Variants in FAM162A observed in about 807,000 individuals in gnomAD.
The protein encoded by FAM162A is family with sequence similarity 162 member A.
Under a neutral mutation model 21.8 loss-of-function variants are expected in FAM162A, and 23 were observed. That is an observed-to-expected ratio of 1.05 (90% CI 0.76 to 1.49). FAM162A has a LOEUF of 1.49. Among genes scored for constraint, FAM162A ranks in the 40% most tolerant of loss-of-function variants. FAM162A has a pLI of 0.00. For synonymous variants in FAM162A, 53 were observed against 61.3 expected (o/e 0.86, Z 0.64); for missense variants, 165 against 186.4 (o/e 0.89, Z 0.67).
intron 1 of FAM162A, among the ~76,000 whole-genome samples, chr3:122,390,838 C>T (rs1448152339): frequency 2.0e-5 from 3 of 152,128 alleles, no homozygotes; most frequent in African/African-American, 4.8e-5. Flanking sequence ...TAAGATTAGC[C>T]GTTTGCCACC....
chr3:122,389,048 C>CA (rs375756653), intron 1 of FAM162A, among the ~76,000 whole-genome samples: 24,135 of 125,874 alleles, frequency 0.19, 2,004 homozygotes, highest in Middle Eastern at 0.32. Context: ...GACTCCGTCT[C>CA]AAAAAAAAAA....
intron 1 of FAM162A, among the ~76,000 whole-genome samples, chr3:122,402,020 A>G (rs2075655609): frequency 6.6e-6 from 1 of 151,924 alleles, no homozygotes; most frequent in Non-Finnish European, 1.5e-5. Flanking sequence ...CTTTTGTTGC[A>G]GTTGCTTTTG....
Position 122,404,293 on chromosome 3 carries a change from G to T in FAM162A, c.193G>T (p.Asp65Tyr). Residue 65 changes from aspartate (D) to tyrosine (Y), a missense_variant, in exon 3 of 5, where the codon GAT becomes TAT. Physicochemically the swap from Asp to Tyr is radical, Grantham distance 160. Coordinates refer to ENST00000477892, the MANE Select transcript of FAM162A (RefSeq NM_014367.4). ...YNRVPLHKPT[D>Y]WQKKILIWSG... The stretch of plus-strand genomic sequence containing the variant: ...CAGAGTGCCTTTACACAAACCTACG[G>T]ATTGGCAGAAAAAGATCCTCATATG... The T allele has an allele frequency of 6.2e-7, 1 of 1,608,842 alleles. No individual in the cohort carries two copies. Among genetic ancestry groups the T allele is most frequent in the South Asian group, 1.1e-5 (1 of 90,118 alleles).
chr3:122,407,511 G>T (rs1290257878), intron 4 of FAM162A, 122 bp downstream of exon 4: 4 of 654,480 alleles, frequency 6.1e-6, no homozygotes, highest in South Asian at 2.2e-5. Flanking sequence ...CATTACATGA[G>T]AAAAGATAAG....
At chr3:122,384,804 A>G (rs915804556) in intron 1 of FAM162A, among the ~76,000 whole-genome samples, 36 of 152,344 alleles carry the variant, frequency 2.4e-4, no homozygotes, top group Middle Eastern at 3.4e-3. Context: ...TTAGAGATTA[A>G]TAATAATTGT....
At chr3:122,396,331 A>G (rs539655790) in intron 1 of FAM162A, among the ~76,000 whole-genome samples, 10 of 152,178 alleles carry the variant, frequency 6.6e-5, no homozygotes, top group Non-Finnish European at 1.2e-4. Flanking sequence ...TTAAAAAAAA[A>G]TAGGCAGAGG....
chr3:122,399,409 C>T (rs916686600), intron 1 of FAM162A, among the ~76,000 whole-genome samples: 6 of 152,108 alleles, frequency 3.9e-5, no homozygotes, highest in East Asian at 1.9e-4. Context: ...CTGCGACCTT[C>T]GGCTCCGGGG....
chr3:122,400,349 C>T (rs893057387), intron 1 of FAM162A, among the ~76,000 whole-genome samples: 3 of 151,752 alleles, frequency 2.0e-5, no homozygotes, highest in Admixed American at 6.6e-5. Flanking sequence ...GGGAGCGGAA[C>T]ATCATGCACC....
chr3:122,401,029 C>G (rs2075650991), intron 1 of FAM162A, among the ~76,000 whole-genome samples: 1 of 152,070 alleles, frequency 6.6e-6, no homozygotes, highest in Non-Finnish European at 1.5e-5. Flanking sequence ...ATGAAAATGT[C>G]TTATCCTAAT....
At chr3:122,386,037 C>G (rs2075572851) in intron 1 of FAM162A, among the ~76,000 whole-genome samples, 1 of 152,090 alleles carries the variant, frequency 6.6e-6, no homozygotes, top group African/African-American at 2.4e-5. Context: ...CCCTTTAATT[C>G]TGGAATTTTT....
chr3:122,401,598 G>T, intron 1 of FAM162A: 2 of 1,146,894 alleles, frequency 1.7e-6, no homozygotes, highest in African/African-American at 1.6e-5. Flanking sequence ...TTTCATCTGT[G>T]AAATGTTGGA....
At chr3:122,394,157 C>T (rs2075616667) in intron 1 of FAM162A, among the ~76,000 whole-genome samples, 1 of 152,156 alleles carries the variant, frequency 6.6e-6, no homozygotes, top group African/African-American at 2.4e-5. Flanking sequence ...CTCATAAGAA[C>T]TCACTATCAC....
intron 4 of FAM162A, 89 bp from the exon 5 acceptor site, chr3:122,409,650 C>A: frequency 8.9e-7 from 1 of 1,121,618 alleles, no homozygotes. Flanking sequence ...GCCTCCATGC[C>A]TCTGTTAACC....
At chr3:122,386,103 G>C (rs1479182501) in intron 1 of FAM162A, among the ~76,000 whole-genome samples, 1 of 152,176 alleles carries the variant, frequency 6.6e-6, no homozygotes, top group Non-Finnish European at 1.5e-5. Flanking sequence ...GTGTGAATTT[G>C]TCATGACTAA....
intron 4 of FAM162A, among the ~76,000 whole-genome samples, chr3:122,408,674 T>C (rs1336638406): frequency 6.6e-6 from 1 of 152,180 alleles, no homozygotes; most frequent in Non-Finnish European, 1.5e-5. Context: ...AGTTCTCAGA[T>C]TAAAACCAGC....
chr3:122,395,834 C>A (rs2075624423), intron 1 of FAM162A, among the ~76,000 whole-genome samples: 1 of 152,116 alleles, frequency 6.6e-6, no homozygotes, highest in Admixed American at 6.6e-5. Flanking sequence ...GTGGTGCTGG[C>A]ATAAGGACAG....
At position 122,391,436 on chromosome 3, in the gene FAM162A, C is replaced by T. The variant is rs537444442; in HGVS notation, c.34+7137C>T. Among the ~76,000 whole-genome samples, 8 of 152,210 alleles carry T rather than the reference C, an allele frequency of 5.3e-5. No individual in the cohort carries two copies. The East Asian group carries it at 1.5e-3, about 29-fold the overall frequency. ...TAAAAATATTTTTAAAGCAAGACCT[C>T]ATCTTTAAAAAAATATATTTACATT... On this transcript the variant is annotated intron_variant, in intron 1 of 4. Transcript: ENST00000477892.
chr3:122,404,380 G>C lies in FAM162A; in HGVS notation c.263+17G>C. 4 of 1,367,136 alleles carry C rather than the reference G, an allele frequency of 2.9e-6. No homozygotes were observed. Among genetic ancestry groups the C allele is most frequent in the Non-Finnish European group, 3.1e-6 (3 of 969,978 alleles). 84.7% of individuals were successfully genotyped at this position (1,367,136 alleles called of 1,614,324 possible). ...GACTGTCTCGTGAGTGCTGAATTTA[G>C]TATTACAAGCAGCTTTCATTTCTCA... On this transcript the variant is annotated intron_variant, in intron 3 of 4. Coordinates refer to ENST00000477892, the MANE Select transcript of FAM162A (RefSeq NM_014367.4).
At chr3:122,398,959 T>C (rs550752297) in intron 1 of FAM162A, among the ~76,000 whole-genome samples, 14 of 152,322 alleles carry the variant, frequency 9.2e-5, no homozygotes, top group South Asian at 4.1e-4. Flanking sequence ...AGTTCAGGGC[T>C]ACATGTGCAG....
Sources: gnomAD v4.1 joint callset for allele counts (sites outside exome capture counted in the v4.1 genomes callset) on GRCh38, gnomAD v4.1.1 for gene constraint, MANE v1.5 for transcripts, NCBI Gene and HGNC (gene_info 2026-07-23, HGNC 2026-07-21) for gene names.